Variants in MCC observed in about 807,000 individuals in gnomAD.
The protein encoded by MCC is MCC regulator of Wnt signaling pathway, also known as colorectal mutant cancer protein.
Under a neutral mutation model 116.2 loss-of-function variants are expected in MCC, and 90 were observed. That is an observed-to-expected ratio of 0.77 (90% confidence interval 0.65 to 0.92). The LOEUF (loss-of-function observed/expected upper bound fraction) is 0.92, where lower values mean the gene tolerates loss of function less well. Ranked by LOEUF, MCC falls within the 40% of genes least tolerant of loss-of-function variation. MCC has a pLI of 0.00. For synonymous variants in MCC, 578 were observed against 510.5 expected, an observed-to-expected ratio of 1.13 and a Z score of -1.78; for missense variants, 1,516 against 1,312.2, an observed-to-expected ratio of 1.16 and a Z score of -2.40.
At chr5:113,455,039 C>A (rs918984955) in intron 1 of MCC, among the ~76,000 whole-genome samples, 15 of 152,174 alleles carry the variant, frequency 9.9e-5, no homozygotes, top group African/African-American at 3.6e-4. Flanking sequence ...ACACACCAAG[C>A]ATTTTATGTG....
At chr5:113,112,416 C>T (rs866193205) in intron 6 of MCC, among the ~76,000 whole-genome samples, 1 of 152,014 alleles carries the variant, frequency 6.6e-6, no homozygotes, top group African/African-American at 2.4e-5. Flanking sequence ...TAGCACCTCC[C>T]CTTTCTCTCT....
At chr5:113,112,742 G>C (rs553141888) in intron 6 of MCC, among the ~76,000 whole-genome samples, 2 of 152,278 alleles carry the variant, frequency 1.3e-5, no homozygotes, top group Admixed American at 1.3e-4. Context: ...GCATGTCCCA[G>C]AGACTTACAG....
intron 1 of MCC, among the ~76,000 whole-genome samples, chr5:113,400,433 C>G (rs949937397): frequency 4.6e-5 from 7 of 151,904 alleles, no homozygotes; most frequent in African/African-American, 1.5e-4. Context: ...TGTTTTGGCT[C>G]TCTCTTAATT....
chr5:113,386,268 C>A (rs1311299542), intron 1 of MCC, among the ~76,000 whole-genome samples: 2 of 152,126 alleles, frequency 1.3e-5, no homozygotes, highest in Admixed American at 1.3e-4. Flanking sequence ...GAGAATATAA[C>A]CAGTTTGATG....
Position 113,385,076 on chromosome 5 carries a change from C to T in MCC, c.307G>A (p.Glu103Lys). The change falls in exon 2 of 19, where the codon GAA (glutamate) becomes AAA (lysine). Residue 103 changes from glutamate to lysine, a missense_variant. Glu to Lys is a moderately conservative substitution (Grantham distance 56). Coordinates refer to ENST00000408903, the MANE Select transcript of MCC (RefSeq NM_001085377.2). ...AGATCTACTTCCTCCTTCCTAATTTCTCGAACAAGCTGCATGCGGCATCTT... is the reference window on the plus strand; with the variant it reads ...AGATCTACTTCCTCCTTCCTAATTTTTCGAACAAGCTGCATGCGGCATCTT... ...FTRCRMQLVR[E>K]IRKEEVDLSA... 1 of 1,614,212 alleles carries T rather than the reference C, an allele frequency of 6.2e-7. No homozygotes were observed. Among genetic ancestry groups the T allele is most frequent in the Non-Finnish European group, 8.5e-7 (1 of 1,180,048 alleles).
intron 17 of MCC, among the ~76,000 whole-genome samples, chr5:113,030,523 T>C (rs1750879997): frequency 6.6e-6 from 1 of 151,950 alleles, no homozygotes; most frequent in African/African-American, 2.4e-5. Flanking sequence ...TACAAAAAAA[T>C]ATAAAACTTA....
chr5:113,122,836 AAGG>A lies in MCC; in HGVS notation c.885-13_885-11del, dbSNP rs1282945637. 1.2e-6 allele frequency: 2 copies of A among 1,614,130 alleles called. No homozygotes were observed. Among genetic ancestry groups the A allele is most frequent in the African/African-American group, 1.3e-5 (1 of 75,048 alleles). On this transcript the variant is annotated splice_polypyrimidine_tract_variant and intron_variant, in intron 5 of 18. Transcript: ENST00000408903. ...GTACTCATCTTCCTCCCTGAGAAAA[AAGG>A]AGAATTGGCAACCACTAACAGAGGA...
At chr5:113,166,439 C>T (rs6871214) in intron 3 of MCC, among the ~76,000 whole-genome samples, 43,953 of 151,944 alleles carry the variant, frequency 0.29, 6,967 homozygotes, top group African/African-American at 0.42. Context: ...TGCCTGATAT[C>T]CAGATGGAGT....
At chr5:113,165,383 C>A (rs1760713934) in intron 3 of MCC, among the ~76,000 whole-genome samples, 1 of 152,162 alleles carries the variant, frequency 6.6e-6, no homozygotes, top group South Asian at 2.1e-4. Flanking sequence ...CAAGAAACAC[C>A]AACATTGTAT....
chr5:113,087,007 C>T (rs1755241397), intron 8 of MCC, among the ~76,000 whole-genome samples: 1 of 152,190 alleles, frequency 6.6e-6, no homozygotes, highest in Non-Finnish European at 1.5e-5. Flanking sequence ...ACCTAAGGGA[C>T]TTCCAAGGCC....
intron 3 of MCC, among the ~76,000 whole-genome samples, chr5:113,192,217 C>G (rs1762183481): frequency 1.3e-5 from 2 of 152,176 alleles, no homozygotes; most frequent in African/African-American, 4.8e-5. Flanking sequence ...AAGACAATAC[C>G]TGAAATGTTT....
chr5:113,371,906 CT>C (rs1298798868), intron 2 of MCC, among the ~76,000 whole-genome samples: 1 of 152,188 alleles, frequency 6.6e-6, no homozygotes, highest in Non-Finnish European at 1.5e-5. Context: ...AAATTAAACA[CT>C]TTCTGTAAGC....
At chr5:113,267,859 G>A (rs983984760) in intron 3 of MCC, among the ~76,000 whole-genome samples, 1 of 152,116 alleles carries the variant, frequency 6.6e-6, no homozygotes. Context: ...TATGGTATAT[G>A]AATTACATTT....
intron 3 of MCC, among the ~76,000 whole-genome samples, chr5:113,245,706 C>A (rs1175817811): frequency 6.6e-6 from 1 of 152,150 alleles, no homozygotes; most frequent in African/African-American, 2.4e-5. Flanking sequence ...TAATAAATGT[C>A]TGACAAAGCC....
intron 14 of MCC, among the ~76,000 whole-genome samples, chr5:113,061,152 A>G (rs966642671): frequency 6.6e-6 from 1 of 152,204 alleles, no homozygotes; most frequent in Non-Finnish European, 1.5e-5. Context: ...GAGTGGCCAC[A>G]CAGGCAGCAC....
rs531559953 is a variant in MCC, at chr5:113,217,444, A to G, written c.628-66022T>C. Among the ~76,000 whole-genome samples, 27 of 152,148 alleles carry G rather than the reference A, an allele frequency of 1.8e-4. 1 individual carries two copies. Among genetic ancestry groups the G allele is most frequent in the Admixed American group, 1.4e-3 (22 of 15,286 alleles). The stretch of plus-strand genomic sequence containing the variant: ...TTTTTATAGCCTTATTACTGCAAAG[A>G]TATTATTTTCTAAGCTAATGTACAT... On this transcript the variant is annotated intron_variant, in intron 3 of 18. Transcript: ENST00000408903.
chr5:113,217,839 A>G (rs1763383981), intron 3 of MCC, among the ~76,000 whole-genome samples: 1 of 152,136 alleles, frequency 6.6e-6, no homozygotes. Flanking sequence ...CCAGGAGACA[A>G]GAGAAACACT....
chr5:113,131,264 T>C (rs1487088121), intron 5 of MCC, among the ~76,000 whole-genome samples: 1 of 152,182 alleles, frequency 6.6e-6, no homozygotes, highest in African/African-American at 2.4e-5. Context: ...TTATTTTCTT[T>C]TCACATCCAG....
intron 3 of MCC, among the ~76,000 whole-genome samples, chr5:113,154,672 C>T (rs10478113): frequency 0.087 from 13,307 of 152,086 alleles, 742 homozygotes; most frequent in African/African-American, 0.15. Flanking sequence ...TGTTTGTGAG[C>T]GATGCTACAT....
Sources: gnomAD v4.1 joint callset for allele counts (sites outside exome capture counted in the v4.1 genomes callset) on GRCh38, gnomAD v4.1.1 for gene constraint, MANE v1.5 for transcripts, NCBI Gene and HGNC (gene_info 2026-07-23, HGNC 2026-07-21) for gene names.